The following CDH12 variants were observed in gnomAD, a reference collection of about 807,000 sequenced individuals.
The protein encoded by CDH12 is cadherin 12, also known as cadherin-12.
In CDH12, 41 loss-of-function variants were observed where a neutral mutation model predicts 74.1. The ratio of observed to expected loss-of-function variants is 0.55; its 90% CI spans 0.43 to 0.72. The LOEUF (loss-of-function observed/expected upper bound fraction) is 0.72, where lower values mean the gene tolerates loss of function less well. Among genes scored for constraint, CDH12 ranks in the 30% least tolerant of loss-of-function variants. The pLI, the probability that CDH12 is intolerant of heterozygous loss-of-function variation, is 0.00. For synonymous variants in CDH12, 399 were observed against 355.0 expected (o/e 1.12, Z -1.39); for missense variants, 945 against 977.2 (o/e 0.97, Z 0.44).
intron 1 of CDH12, among the ~76,000 whole-genome samples, chr5:22,742,921 T>A (rs909977390): frequency 6.6e-6 from 1 of 151,888 alleles, no homozygotes; most frequent in Non-Finnish European, 1.5e-5. Context: ...TGGATGAGAT[T>A]AACATTTAAA....
rs1210092370 is a variant in CDH12 at position 22,844,930 on chromosome 5, T to A, written c.-523+8128A>T. On this transcript the variant is annotated intron_variant, in intron 1 of 14. Coordinates refer to ENST00000382254, the MANE Select transcript of CDH12 (RefSeq NM_004061.5). ...GACAGTGCATAGAGTTGAGTCCAGG[T>A]GTTAATACTGATTCTTCTCTGTTCT... is the stretch of plus-strand genomic sequence containing the variant. 1.3e-5 allele frequency among the ~76,000 whole-genome samples: 2 copies of A among 152,144 alleles called. 1 individual carries two copies. Among genetic ancestry groups the A allele is most frequent in the African/African-American group, 4.8e-5 (2 of 41,452 alleles).
At chr5:22,043,050 T>C (rs2150185176) in intron 5 of CDH12, among the ~76,000 whole-genome samples, 1 of 152,212 alleles carries the variant, frequency 6.6e-6, no homozygotes, top group African/African-American at 2.4e-5. Context: ...TCTCAAACTT[T>C]TTTCAGAAAA....
rs545475183 is a variant in CDH12, at chr5:21,938,723, C to CATATATATATATAT, written c.526+36354_526+36367dup. Among the ~76,000 whole-genome samples, 939 of 111,850 alleles carry CATATATATATATAT rather than the reference C, an allele frequency of 8.4e-3. 28 individuals are homozygous for CATATATATATATAT. Among genetic ancestry groups the CATATATATATATAT allele is most frequent in the African/African-American group, 0.018 (460 of 25,054 alleles). 73.4% of individuals were successfully genotyped at this position (111,850 alleles called of 152,430 possible). Reference sequence around the variant, plus strand: ...TATAATATTTTATATATATAATATACATATATATATATATATATATATATA... The same window carrying CATATATATATATAT: ...TATAATATTTTATATATATAATATACATATATATATATATATATATATATATATATATATATATA... On this transcript the variant is annotated intron_variant, in intron 6 of 14. Transcript: ENST00000382254.
At chr5:21,827,493 A>T (rs1377806225) in intron 8 of CDH12, among the ~76,000 whole-genome samples, 1 of 152,182 alleles carries the variant, frequency 6.6e-6, no homozygotes, top group Non-Finnish European at 1.5e-5. Context: ...AAGAAAACTT[A>T]TTACATCTCT....
intron 2 of CDH12, among the ~76,000 whole-genome samples, chr5:22,494,422 T>C (rs1747018706): frequency 6.6e-6 from 1 of 152,222 alleles, no homozygotes; most frequent in Non-Finnish European, 1.5e-5. Context: ...GCTCCGGCTA[T>C]CCACAACCCT....
At chr5:22,794,031 G>T (rs1456063504) in intron 1 of CDH12, among the ~76,000 whole-genome samples, 1 of 152,132 alleles carries the variant, frequency 6.6e-6, no homozygotes, top group Non-Finnish European at 1.5e-5. Flanking sequence ...GAAGGAATAT[G>T]CTGAAACACT....
chr5:22,411,096 AG>A (rs1743151973), intron 2 of CDH12, among the ~76,000 whole-genome samples: 1 of 152,054 alleles, frequency 6.6e-6, no homozygotes, highest in African/African-American at 2.4e-5. Flanking sequence ...TAAATTGGTC[AG>A]GTATATACAA....
chr5:21,845,946 T>A (rs1444378751), intron 7 of CDH12, among the ~76,000 whole-genome samples: 1 of 152,106 alleles, frequency 6.6e-6, no homozygotes, highest in Non-Finnish European at 1.5e-5. Context: ...AGCTGGAAGC[T>A]TGCTCGGGGG....
intron 1 of CDH12, among the ~76,000 whole-genome samples, chr5:22,588,933 A>G (rs1740544603): frequency 6.6e-6 from 1 of 152,136 alleles, no homozygotes; most frequent in Non-Finnish European, 1.5e-5. Context: ...ATAGGCTATA[A>G]CCACGCCATT....
At chr5:22,017,207 T>A (rs1294789962) in intron 5 of CDH12, among the ~76,000 whole-genome samples, 1 of 152,106 alleles carries the variant, frequency 6.6e-6, no homozygotes, top group Non-Finnish European at 1.5e-5. Context: ...CTTTTGAACG[T>A]TGGCTGACAG....
At chr5:21,962,804 C>T (rs1351248252) in intron 6 of CDH12, among the ~76,000 whole-genome samples, 1 of 152,088 alleles carries the variant, frequency 6.6e-6, no homozygotes, top group Non-Finnish European at 1.5e-5. Flanking sequence ...GTTCTTAATG[C>T]CTGGAATATT....
At chr5:22,649,915 A>G (rs976239914) in intron 1 of CDH12, among the ~76,000 whole-genome samples, 4 of 152,000 alleles carry the variant, frequency 2.6e-5, no homozygotes, top group Admixed American at 6.6e-5. Flanking sequence ...ATATAAAATT[A>G]TAGAGATTAA....
intron 2 of CDH12, among the ~76,000 whole-genome samples, chr5:22,446,828 A>T (rs1744834196): frequency 6.6e-6 from 1 of 152,154 alleles, no homozygotes; most frequent in African/African-American, 2.4e-5. Flanking sequence ...CAAATTGTAA[A>T]CATTAAATAT....
chr5:22,415,653 G>A (rs1001114715), intron 2 of CDH12, among the ~76,000 whole-genome samples: 3 of 152,136 alleles, frequency 2.0e-5, no homozygotes, highest in South Asian at 2.1e-4. Flanking sequence ...GAGAGGCAGC[G>A]GGCCCCAGAA....
At chr5:21,865,175 C>G (rs1203349632) in intron 6 of CDH12, among the ~76,000 whole-genome samples, 1 of 152,156 alleles carries the variant, frequency 6.6e-6, no homozygotes, top group East Asian at 1.9e-4. Flanking sequence ...CTAAGCACCA[C>G]AGCATTTAGT....
chr5:21,889,134 G>A (rs1752779625), intron 6 of CDH12, among the ~76,000 whole-genome samples: 2 of 152,092 alleles, frequency 1.3e-5, no homozygotes, highest in Admixed American at 1.3e-4. Context: ...TGCATGATAA[G>A]TAATGTTTTT....
chr5:22,507,199 T>C (rs10040210), intron 1 of CDH12, among the ~76,000 whole-genome samples: 18,891 of 152,042 alleles, frequency 0.12, 1,189 homozygotes, highest in South Asian at 0.17. Context: ...ACTGCAACAA[T>C]AAAAAGGACT....
chr5:22,282,729 G>A (rs557600406), intron 3 of CDH12, among the ~76,000 whole-genome samples: 2 of 152,096 alleles, frequency 1.3e-5, no homozygotes, highest in African/African-American at 2.4e-5. Flanking sequence ...ATCATTAAAA[G>A]TCAGGAACAA....
intron 2 of CDH12, among the ~76,000 whole-genome samples, chr5:22,458,616 A>C (rs1368871151): frequency 6.6e-6 from 1 of 152,206 alleles, no homozygotes; most frequent in East Asian, 1.9e-4. Flanking sequence ...TATTTAATAG[A>C]TCTGAGCCTT....
Sources: allele counts gnomAD v4.1 joint callset (sites outside exome capture counted in the v4.1 genomes callset), GRCh38; gene constraint gnomAD v4.1.1; transcripts MANE v1.5; gene names NCBI Gene and HGNC (gene_info 2026-07-23, HGNC 2026-07-21).